Variants in MACROH2A1 observed in about 807,000 individuals in gnomAD.
The protein encoded by MACROH2A1 is core histone macro-H2A.1.
A neutral mutation model predicts 31.6 loss-of-function variants in MACROH2A1; 2 were observed. The ratio of observed to expected loss-of-function variants is 0.06; its 90% CI spans 0.03 to 0.20. The LOEUF is 0.20. Ranked by LOEUF, MACROH2A1 falls within the 10% of genes least tolerant of loss-of-function variation. MACROH2A1 has a pLI of 1.00. For missense variants in MACROH2A1, 230 were observed against 474.0 expected (o/e 0.49, Z 4.78); for synonymous variants, 169 against 189.6 (o/e 0.89, Z 0.89).
intron 7 of MACROH2A1, chr5:135,345,094 T>G (rs1260884746): frequency 6.6e-6 from 1 of 152,262 alleles, no homozygotes; most frequent in Non-Finnish European, 1.5e-5. Flanking sequence ...ACCCTGTATG[T>G]CATGCCCCTT....
At chr5:135,367,232 A>C (rs1474924599) in intron 4 of MACROH2A1, among the ~76,000 whole-genome samples, 1 of 152,218 alleles carries the variant, frequency 6.6e-6, no homozygotes, top group African/African-American at 2.4e-5. Flanking sequence ...AATTTACATT[A>C]AACAAATGTT....
chr5:135,366,165 G>C (rs1279311498), intron 4 of MACROH2A1, among the ~76,000 whole-genome samples: 1 of 152,196 alleles, frequency 6.6e-6, no homozygotes, highest in African/African-American at 2.4e-5. Flanking sequence ...CAGCCATGTG[G>C]AACTGTGACT....
rs1431318255 is a variant in MACROH2A1, at chr5:135,358,788, C to T, written c.588+1709G>A. On this transcript the variant is annotated intron_variant, in intron 5 of 8. Transcript: ENST00000511689. ...CTACCAACTCTGAGTAGGGAACAGT[C>T]ATTATTAGCCAAAATTTTACTCTAC... 9.6e-5 allele frequency: 94 copies of T among 983,598 alleles called. No individual in the cohort carries two copies. In the African/African-American group the frequency reaches 1.6e-3, roughly 17 times the overall value. 60.9% of individuals were successfully genotyped at this position (983,598 alleles called of 1,614,324 possible).
At chr5:135,376,609 G>A (rs150962027) in intron 2 of MACROH2A1, among the ~76,000 whole-genome samples, 1 of 152,288 alleles carries the variant, frequency 6.6e-6, no homozygotes, top group African/African-American at 2.4e-5. Flanking sequence ...ACTGTGGTGA[G>A]AGCCCGGGGT....
chr5:135,387,100 G>A (rs2149949401), intron 2 of MACROH2A1, among the ~76,000 whole-genome samples: 1 of 152,274 alleles, frequency 6.6e-6, no homozygotes, highest in African/African-American at 2.4e-5. Context: ...ACACTAACTA[G>A]GCAAGAACTA....
chr5:135,364,242 G>A (rs1422444138), intron 4 of MACROH2A1, among the ~76,000 whole-genome samples: 2 of 152,204 alleles, frequency 1.3e-5, no homozygotes, highest in Admixed American at 6.5e-5. Flanking sequence ...GCCTGTGGGA[G>A]GGTGTGGGGC....
chr5:135,365,164 G>A (rs1763339561), intron 4 of MACROH2A1, among the ~76,000 whole-genome samples: 1 of 152,164 alleles, frequency 6.6e-6, no homozygotes, highest in Non-Finnish European at 1.5e-5. Flanking sequence ...TGAATTTTAG[G>A]TATTTTATTT....
intron 2 of MACROH2A1, among the ~76,000 whole-genome samples, chr5:135,374,824 T>C (rs1581278459): frequency 6.6e-6 from 1 of 152,300 alleles, no homozygotes; most frequent in Admixed American, 6.5e-5. Flanking sequence ...AGCCACAGCC[T>C]GGAGGCTGTA....
intron 5 of MACROH2A1, chr5:135,359,763 A>G (rs1428457389): frequency 2.1e-6 from 2 of 953,762 alleles, no homozygotes; most frequent in Non-Finnish European, 2.5e-6. Context: ...TAAGTATAGG[A>G]TTAAAAAATT....
chr5:135,389,185 C>T, intron 1 of MACROH2A1, 59 bp from the exon 2 acceptor site: 1 of 1,343,958 alleles, frequency 7.4e-7, no homozygotes, highest in South Asian at 1.3e-5. Flanking sequence ...GTCCCCTTTC[C>T]AGGTACACTC....
chr5:135,336,461 G>A (rs551101032), intron 8 of MACROH2A1, among the ~76,000 whole-genome samples: 2 of 152,316 alleles, frequency 1.3e-5, no homozygotes, highest in African/African-American at 4.8e-5. Context: ...AGGAGCCTGC[G>A]GGCAATTAGT....
At chr5:135,355,050 T>C (rs1287895768) in intron 5 of MACROH2A1, 1 of 455,842 alleles carries the variant, frequency 2.2e-6, no homozygotes, top group South Asian at 1.5e-5. Flanking sequence ...ATTGTATAGA[T>C]GCTTCTGGTG....
At position 135,389,045 on chromosome 5, in the gene MACROH2A1, C is replaced by T. The variant is rs1766822797; in HGVS notation, c.49G>A (p.Ala17Thr). 6.2e-7 allele frequency: 1 copy of T among 1,613,816 alleles called. No homozygotes were observed. Among genetic ancestry groups the T allele is most frequent in the South Asian group, 1.1e-5 (1 of 91,068 alleles). ...ACGGGAAAGATGACTCCTGCTTTGG[C>T]AGACCTGGACGTCTTGGTGGACTTC... is the stretch of plus-strand genomic sequence containing the variant. ...KKKSTKTSRS[A>T]KAGVIFPVGR... is the part of the protein sequence containing the mutation. The change falls in exon 2 of 9, where the codon GCC becomes ACC. Residue 17 changes from alanine (A) to threonine (T), a missense_variant. Around this residue, in one of 2 missense-constraint regions of MACROH2A1, gnomAD observed 47 missense variants for 154.7 expected, o/e 0.30. Transcript: ENST00000511689.
intron 2 of MACROH2A1, among the ~76,000 whole-genome samples, chr5:135,372,737 G>A (rs1764334727): frequency 6.6e-6 from 1 of 152,200 alleles, no homozygotes. Flanking sequence ...CAAGAACACA[G>A]AGCCTGGGAG....
At chr5:135,347,042 C>A (rs895273382) in intron 6 of MACROH2A1, 1 of 152,186 alleles carries the variant, frequency 6.6e-6, no homozygotes, top group Non-Finnish European at 1.5e-5. Context: ...TTTTAAAGTA[C>A]TTTTCCTCAC....
chr5:135,384,737 C>A (rs531725548), intron 2 of MACROH2A1, among the ~76,000 whole-genome samples: 2 of 152,216 alleles, frequency 1.3e-5, no homozygotes, highest in Non-Finnish European at 2.9e-5. Context: ...AATGTCCAGG[C>A]ATGGAATAAG....
chr5:135,364,636 G>T (rs1270025145), intron 4 of MACROH2A1, among the ~76,000 whole-genome samples: 1 of 152,202 alleles, frequency 6.6e-6, no homozygotes, highest in East Asian at 1.9e-4. Context: ...TGTTAGGTCA[G>T]AGTCAGCTGG....
At chr5:135,337,716 A>ATGT in intron 8 of MACROH2A1, among the ~76,000 whole-genome samples, 1 of 152,350 alleles carries the variant, frequency 6.6e-6, no homozygotes, top group East Asian at 1.9e-4. Context: ...GTGGACCCAG[A>ATGT]TGTTGAGGAT....
chr5:135,370,128 G>A lies in MACROH2A1; in HGVS notation c.187C>T (p.Leu63=). The A allele has an allele frequency of 6.2e-7, 1 of 1,611,626 alleles. No homozygotes were observed. The highest frequency in any genetic ancestry group is 8.5e-7 in the Non-Finnish European group (1 of 1,178,294). The change falls in exon 3 of 9, where the codon CTG becomes TTG. Residue 63 remains leucine (L), a synonymous_variant. Coordinates refer to ENST00000511689, the MANE Select transcript of MACROH2A1 (RefSeq NM_138610.3). ...TTGTCTCTCGCTGCATTGCCAGCCAGCTCCAGAATCTCCGCTGTGGGGAGC... is the reference window on the plus strand; with the variant it reads ...TTGTCTCTCGCTGCATTGCCAGCCAACTCCAGAATCTCCGCTGTGGGGAGC... ...LEYLTAEILE[L]AGNAARDNKK... is the part of the protein sequence containing the mutation.
Sources: gnomAD v4.1 joint callset for allele counts (sites outside exome capture counted in the v4.1 genomes callset) on GRCh38, gnomAD v4.1.1 for gene constraint, gnomAD v4.1.1 regional missense constraint, MANE v1.5 for transcripts, NCBI Gene and HGNC (gene_info 2026-07-23, HGNC 2026-07-21) for gene names.